CAPN6: variants seen among roughly 807,000 people sequenced by gnomAD.
CAPN6 encodes the protein calpain-6.
CAPN6 carries 16 observed loss-of-function variants against 46.0 expected under a neutral mutation model. That is an observed-to-expected ratio of 0.35 (90% CI 0.24 to 0.53). The LOEUF is 0.53. CAPN6 is among the 20% of genes least tolerant of loss of function. The probability of loss-of-function intolerance (pLI) is 0.94; values close to 1 mark genes in which losing one functional copy is unlikely to be tolerated. For missense variants in CAPN6, 461 were observed against 498.0 expected (o/e 0.93, Z 0.71); for synonymous variants, 206 against 172.8 (o/e 1.19, Z -1.51).
chrX:111,246,663 G>A lies in CAPN6; in HGVS notation c.1840C>T (p.Arg614Cys). The change falls in exon 13 of 13, where the codon CGT becomes TGT. Residue 614 changes from arginine to cysteine, a missense_variant. Arg to Cys is a radical substitution (Grantham distance 180). Coordinates refer to ENST00000324068, the MANE Select transcript of CAPN6 (RefSeq NM_014289.4). Reference sequence around the variant, plus strand: ...TTGGCAGTTGGACCACCCTTCTTACGCAGGTACAGAGACTTCAGATCACGG... The same window carrying A: ...TTGGCAGTTGGACCACCCTTCTTACACAGGTACAGAGACTTCAGATCACGG... ...DCRDLKSLYL[R>C]KKGGPTAKVK... 1 of 1,210,103 alleles carries A rather than the reference G, an allele frequency of 8.3e-7. No individual in the cohort carries two copies. Among genetic ancestry groups the A allele is most frequent in the Middle Eastern group, 2.3e-4 (1 of 4,350 alleles).
At chrX:111,257,034 G>A (rs940095483) in intron 2 of CAPN6, among the ~76,000 whole-genome samples, 14 of 111,305 alleles carry the variant, frequency 1.3e-4, no homozygotes, top group African/African-American at 3.9e-4. Flanking sequence ...ACATGAGGAA[G>A]CAAGCTCAGA....
At chrX:111,269,479 G>T (rs2094994404) in intron 1 of CAPN6, among the ~76,000 whole-genome samples, 2 of 112,563 alleles carry the variant, frequency 1.8e-5, no homozygotes, top group African/African-American at 6.5e-5. Flanking sequence ...CCTGAAGCCA[G>T]AAGTAATTGT....
rs926412 is a variant in CAPN6 at position 111,250,789 on chromosome X, T to A, written c.1158+128A>T. 0.028 allele frequency: 17,514 copies of A among 633,511 alleles called. 1,577 individuals are homozygous for A. The African/African-American group carries it at 0.3, about 11-fold the overall frequency. 52.2% of individuals were successfully genotyped at this position (633,511 alleles called of 1,213,427 possible). On this transcript the variant is annotated intron_variant, in intron 8 of 12. Coordinates refer to ENST00000324068, the MANE Select transcript of CAPN6 (RefSeq NM_014289.4). ...AGACAATCCGTAGGGATCCTGGTTGTTGAATATTACACAATAGCTGCAAAA... is the reference window on the plus strand; with the variant it reads ...AGACAATCCGTAGGGATCCTGGTTGATGAATATTACACAATAGCTGCAAAA...
At position 111,248,759 on chromosome X, in the gene CAPN6, G is replaced by A. The variant is rs765332253; in HGVS notation, c.1294C>T (p.Arg432Cys). ...GFELFKVEMN[R>C]KFRLHHLYIQ... Reference sequence around the variant, plus strand: ...TAGAGGTGGTGGAGGCGGAATTTGCGGTTCATCTCCACCTGGAAATGAAAT... The same window carrying A: ...TAGAGGTGGTGGAGGCGGAATTTGCAGTTCATCTCCACCTGGAAATGAAAT... The change falls in exon 10 of 13, where the codon CGC becomes TGC. Residue 432 changes from arginine (R) to cysteine (C), a missense_variant. Coordinates refer to ENST00000324068, the MANE Select transcript of CAPN6 (RefSeq NM_014289.4). The A allele has an allele frequency of 3.3e-6, 4 of 1,209,771 alleles. No individual in the cohort carries two copies. Among genetic ancestry groups the A allele is most frequent in the Admixed American group, 2.2e-5 (1 of 46,017 alleles).
chrX:111,264,456 A>G (rs894364845), intron 1 of CAPN6, among the ~76,000 whole-genome samples: 4 of 111,529 alleles, frequency 3.6e-5, no homozygotes, highest in African/African-American at 1.3e-4. Context: ...TTTTTACACA[A>G]TTTCTTCCGT....
intron 2 of CAPN6, among the ~76,000 whole-genome samples, chrX:111,254,860 AATTC>A (rs754794141): frequency 8.9e-6 from 1 of 112,365 alleles, no homozygotes; most frequent in South Asian, 3.7e-4. Flanking sequence ...GGTTAACATT[AATTC>A]ATCTCCTTCT....
chrX:111,246,288 T>A lies in CAPN6; in HGVS notation c.*289A>T. ...TAGGGTGTCCAGCCTCTTGTTATTG[T>A]CCTACTTGAATCTCACCCCCGGAAG... On this transcript the variant is annotated 3_prime_UTR_variant, in exon 13 of 13. Coordinates refer to ENST00000324068, the MANE Select transcript of CAPN6 (RefSeq NM_014289.4). 3.2e-6 allele frequency: 1 copy of A among 311,420 alleles called. No individual in the cohort carries two copies. The highest frequency in any genetic ancestry group is 5.7e-5 in the East Asian group (1 of 17,434). 25.7% of individuals were successfully genotyped at this position (311,420 alleles called of 1,213,427 possible).
intron 2 of CAPN6, among the ~76,000 whole-genome samples, chrX:111,261,076 G>A (rs2094987574): frequency 8.9e-6 from 1 of 112,324 alleles, no homozygotes; most frequent in Admixed American, 9.4e-5. Flanking sequence ...TAATGGAAGT[G>A]TGGCATCAAC....
At chrX:111,248,880 C>T in intron 9 of CAPN6, 55 bp downstream of exon 9, 1 of 1,204,646 alleles carries the variant, frequency 8.3e-7, no homozygotes, top group Admixed American at 2.2e-5. Flanking sequence ...ATTAAATTAT[C>T]CTAATTTTTA....
rs750049280 is a variant in CAPN6, at chrX:111,247,354, G to T, written c.1743+14C>A. On this transcript the variant is annotated intron_variant, in intron 12 of 12. Transcript: ENST00000324068. ...AGTATGAGCCTTTCTGGCGACCCCT[G>T]TACACACTCTTACCTGTACTATAAT... 4.2e-6 allele frequency: 5 copies of T among 1,195,070 alleles called. No individual in the cohort carries two copies. Among genetic ancestry groups the T allele is most frequent in the East Asian group, 6.0e-5 (2 of 33,576 alleles).
In CAPN6 at chrX:111,263,756, T is replaced by C. The variant is rs2094989800; in HGVS notation, c.165+16A>G. On this transcript the variant is annotated intron_variant, in intron 2 of 12. Coordinates refer to ENST00000324068, the MANE Select transcript of CAPN6 (RefSeq NM_014289.4). ...AAGGAGGTCAAGGAGACAGAATGTG[T>C]AAAATAGAAAGTTACCTGGGGACGT... is the stretch of plus-strand genomic sequence containing the variant. 2 of 1,192,650 alleles carry C rather than the reference T, an allele frequency of 1.7e-6. No homozygotes were observed. The highest frequency in any genetic ancestry group is 2.2e-5 in the Admixed American group (1 of 44,511).
chrX:111,250,487 GA>G (rs1285451319), intron 8 of CAPN6, among the ~76,000 whole-genome samples: 1 of 111,104 alleles, frequency 9.0e-6, no homozygotes. Flanking sequence ...GGGTTCAAAA[GA>G]GTCATCTGCA....
Position 111,251,707 on chromosome X carries a change from A to G in CAPN6, c.735T>C (p.Asp245=), listed in dbSNP as rs761668836. The part of the protein sequence containing the change: ...PNQEEQEVET[D]WGLLKGHTYT... ...AGGTATGGCCCTTCAGCAGACCCCAATCAGTTTCAACTTCTTGCTCCTCCT... is the reference window on the plus strand; with the variant it reads ...AGGTATGGCCCTTCAGCAGACCCCAGTCAGTTTCAACTTCTTGCTCCTCCT... Residue 245 remains aspartate, a synonymous_variant, in exon 6 of 13, where the codon GAT becomes GAC. Coordinates refer to ENST00000324068, the MANE Select transcript of CAPN6 (RefSeq NM_014289.4). The G allele has an allele frequency of 5.8e-5, 70 of 1,207,980 alleles. No individual in the cohort carries two copies. Among genetic ancestry groups the G allele is most frequent in the Middle Eastern group, 2.3e-4 (1 of 4,368 alleles).
chrX:111,260,323 T>TAAACTATCAGTGG (rs2094986974), intron 2 of CAPN6, among the ~76,000 whole-genome samples: 1 of 112,991 alleles, frequency 8.9e-6, no homozygotes, highest in Non-Finnish European at 1.9e-5. Flanking sequence ...TGGAGTCAGT[T>TAAACTATCAGTGG]TGTTAAACTA....
chrX:111,269,700 T>C (rs1299393084), intron 1 of CAPN6, among the ~76,000 whole-genome samples: 1 of 111,432 alleles, frequency 9.0e-6, no homozygotes, highest in East Asian at 2.8e-4. Context: ...GAAATCAAAG[T>C]TTAAACCAAA....
rs1198077402 is a variant in CAPN6, at chrX:111,254,211, A to G, written c.297+61T>C. ...GAAGTTATGCGCTGATTTTTTTCCT[A>G]AAGTTATTAAAGAAGACAAGAAAGT... On this transcript the variant is annotated intron_variant, in intron 3 of 12. Transcript: ENST00000324068. The G allele has an allele frequency of 1.3e-5, 14 of 1,095,265 alleles. No homozygotes were observed. The Admixed American group carries it at 1.7e-4, about 13-fold the overall frequency. The allele number at this position is 1,095,265 out of a possible 1,213,427, so 90.3% of individuals were successfully genotyped here.
Position 111,251,599 on chromosome X carries a change from G to A in CAPN6, c.843C>T (p.Arg281=). Residue 281 remains arginine, a synonymous_variant, in exon 6 of 13, where the codon CGC becomes CGT. Transcript: ENST00000324068. The part of the protein sequence containing the change: ...VFSAEKVYMV[R]LRNPLGRQEW... The stretch of plus-strand genomic sequence containing the variant: ...CCTGTCTTCCCAAGGGGTTTCTCAG[G>A]CGAACCATATACACCTTCTCAGCAC... The A allele has an allele frequency of 8.3e-7, 1 of 1,210,265 alleles. No homozygotes were observed.
At position 111,246,420 on chromosome X, in the gene CAPN6, T is replaced by G. The variant is rs2094974559; in HGVS notation, c.*157A>C. ...TAGGTTATGTAGCTACAGATGCTAC[T>G]TGGATTGGGAGGTATGGGGAATTTA... On this transcript the variant is annotated 3_prime_UTR_variant, in exon 13 of 13. Coordinates refer to ENST00000324068, the MANE Select transcript of CAPN6 (RefSeq NM_014289.4). 1 of 480,706 alleles carries G rather than the reference T, an allele frequency of 2.1e-6. No homozygotes were observed. Among genetic ancestry groups the G allele is most frequent in the South Asian group, 3.5e-5 (1 of 28,729 alleles). The allele number at this position is 480,706 out of a possible 1,213,427, so 39.6% of individuals were successfully genotyped here. A position where few individuals can be genotyped will look rare whatever the true frequency, so the allele number is the denominator to read the frequency against.
chrX:111,252,313 G>A lies in CAPN6; in HGVS notation c.693C>T (p.Ser231=). ...GTTTTTCATGAGTACAAACCTCAATGGAACAGCAGATCAGACCACCTTTGG... is the reference window on the plus strand; with the variant it reads ...GTTTTTCATGAGTACAAACCTCAATAGAACAGCAGATCAGACCACCTTTGG... ...TFTKGGLICC[S]IESPNQEEQE... is the part of the protein sequence containing the mutation. Residue 231 remains serine, a synonymous_variant, in exon 5 of 13, where the codon TCC becomes TCT. Coordinates refer to ENST00000324068, the MANE Select transcript of CAPN6 (RefSeq NM_014289.4). 1 of 1,199,491 alleles carries A rather than the reference G, an allele frequency of 8.3e-7. No homozygotes were observed. The highest frequency in any genetic ancestry group is 1.1e-6 in the Non-Finnish European group (1 of 888,447).
Sources: gnomAD v4.1 joint callset for allele counts (sites outside exome capture counted in the v4.1 genomes callset) on GRCh38, gnomAD v4.1.1 for gene constraint, MANE v1.5 for transcripts, NCBI Gene and HGNC (gene_info 2026-07-23, HGNC 2026-07-21) for gene names.